GNAS: variants seen among roughly 807,000 people sequenced by gnomAD.
GNAS encodes protein ALEX.
GNAS carries 8 observed loss-of-function variants against 54.5 expected under a neutral mutation model. The observed-to-expected ratio is 0.15, with a 90% confidence interval of 0.09 to 0.26. GNAS has a LOEUF of 0.26. Among genes scored for constraint, GNAS ranks in the 10% least tolerant of loss-of-function variants. The pLI, the probability that GNAS is intolerant of heterozygous loss-of-function variation, is 1.00. For missense variants in GNAS, 170 were observed against 529.8 expected (o/e 0.32, Z 6.67); for synonymous variants, 204 against 191.4 (o/e 1.07, Z -0.54).
chr20:58,884,584 G>A (rs748514049), intron 1 of GNAS: 1 of 152,172 alleles, frequency 6.6e-6, no homozygotes, highest in Non-Finnish European at 1.5e-5. Context: ...ACTGGTCCAT[G>A]TCTATTTTTA....
In GNAS at chr20:58,895,312, CTT is replaced by C. The variant is rs2089941305; in HGVS notation, c.140-298_140-297del. 11 of 423,612 alleles carry C rather than the reference CTT, an allele frequency of 2.6e-5. 1 individual carries two copies. Among genetic ancestry groups the C allele is most frequent in the South Asian group, 2.4e-4 (11 of 45,862 alleles). The allele number at this position is 423,612 out of a possible 1,614,324, so 26.2% of individuals were successfully genotyped here. A position where few individuals can be genotyped will look rare whatever the true frequency, so the allele number is the denominator to read the frequency against. The stretch of plus-strand genomic sequence containing the variant: ...ATGACAAAATTGCGTCATTCCTTCT[CTT>C]TGCCCCTTTCCAACACCACCCCACA... On this transcript the variant is annotated intron_variant, in intron 1 of 12. Coordinates refer to ENST00000371085, the MANE Select transcript of GNAS (RefSeq NM_000516.7).
chr20:58,902,396 T>C (rs762118762), intron 3 of GNAS, among the ~76,000 whole-genome samples: 1 of 152,186 alleles, frequency 6.6e-6, no homozygotes, highest in Non-Finnish European at 1.5e-5. Context: ...ATCAGTGTAA[T>C]GTGGTACAAA....
rs373908908 is a variant in GNAS at position 58,841,124 on chromosome 20, C to G, written c.43+238C>G. ...ACGGCGGGGCGCACGCCGTGCGTCC[C>G]GCTGGAGACAACCTGAGGTCTCCGA... On this transcript the variant is annotated intron_variant, in intron 1 of 12. Coordinates refer to the GNAS transcript ENST00000306090. This position sits in a 1 kb window ranked among gnomAD's most constrained non-coding sequence, Gnocchi z 5.0. 2.6e-4 allele frequency among the ~76,000 whole-genome samples: 39 copies of G among 152,202 alleles called. No individual in the cohort carries two copies. The highest frequency in any genetic ancestry group is 9.4e-4 in the African/African-American group (39 of 41,550).
At chr20:58,901,594 C>T (rs1358627253) in intron 3 of GNAS, among the ~76,000 whole-genome samples, 3 of 148,562 alleles carry the variant, frequency 2.0e-5, no homozygotes, top group Non-Finnish European at 4.5e-5. Context: ...CACTAATGAG[C>T]GTGGCCCCTC....
chr20:58,854,631 G>A (rs1376478543), intron 1 of GNAS: 7 of 1,534,996 alleles, frequency 4.6e-6, no homozygotes, highest in Admixed American at 2.0e-5. Context: ...TCCCGACTCC[G>A]GGGCGGCCCC....
upstream of GNAS, chr20:58,891,219 T>G (rs1369823840): frequency 6.8e-6 from 1 of 146,762 alleles, no homozygotes; most frequent in African/African-American, 2.5e-5. Context: ...GCCGCCTCCC[T>G]CCGCCGGCTC....
In GNAS at chr20:58,853,248, A is replaced by G. The variant is rs1330223605; in HGVS notation, c.43+12362A>G. ...CTTACGGAGCCCCAAACTTATTTTG[A>G]GAGGCCGCCACCGTGTTATGGGCGT... On this transcript the variant is annotated intron_variant, in intron 1 of 12. Coordinates refer to the GNAS transcript ENST00000306090. The surrounding 1 kb of genome is among the most constrained non-coding windows in gnomAD (Gnocchi z 4.4). The G allele has an allele frequency of 6.6e-7, 1 of 1,522,616 alleles. No individual in the cohort carries two copies. The highest frequency in any genetic ancestry group is 2.1e-5 in the Admixed American group (1 of 47,478). The allele number at this position is 1,522,616 out of a possible 1,614,324, so 94.3% of individuals were successfully genotyped here.
At position 58,873,022 on chromosome 20, in the gene GNAS, G is replaced by A. The variant is rs981631550; in HGVS notation, c.44-22590G>A. ...CTGCCTCTCAGTTCATTCTCAAGGC[G>A]TTAGCCTCATCCCATCAGGAGGAGT... On this transcript the variant is annotated intron_variant, in intron 1 of 12. Transcript: ENST00000306090. This position sits in a 1 kb window ranked among gnomAD's most constrained non-coding sequence, Gnocchi z 4.3. Among the ~76,000 whole-genome samples the A allele has an allele frequency of 3.0e-4, 45 of 152,188 alleles. No homozygotes were observed. The highest frequency in any genetic ancestry group is 1.4e-4 in the African/African-American group (6 of 41,444).
At chr20:58,895,422 T>C (rs1964409381) in intron 1 of GNAS, 190 bp from the exon 2 acceptor site, 1 of 623,276 alleles carries the variant, frequency 1.6e-6, no homozygotes, top group Non-Finnish European at 2.9e-6. Flanking sequence ...ATACTGCAGG[T>C]AGACACTGAA....
intron 5 of GNAS, 83 bp downstream of exon 5, chr20:58,903,874 C>A: frequency 6.9e-7 from 1 of 1,450,728 alleles, no homozygotes; most frequent in Non-Finnish European, 9.7e-7. Flanking sequence ...GACAGCCCTG[C>A]ACATGGGCAG....
chr20:58,899,615 TA>T, intron 3 of GNAS: 1 of 585,516 alleles, frequency 1.7e-6, no homozygotes, highest in East Asian at 3.3e-5. Flanking sequence ...ATTATCAAAT[TA>T]TTTTTTCTTT....
At chr20:58,854,835 C>T (rs777891316) in intron 1 of GNAS, 5 of 1,595,608 alleles carry the variant, frequency 3.1e-6, no homozygotes, top group South Asian at 2.2e-5. Flanking sequence ...CGGGGCCAGA[C>T]GCAAGATCCA....
chr20:58,866,343 C>T (rs1370365779), intron 1 of GNAS, among the ~76,000 whole-genome samples: 1 of 152,188 alleles, frequency 6.6e-6, no homozygotes, highest in Non-Finnish European at 1.5e-5. Context: ...AGCATAAGAT[C>T]TCTCAGGAAT....
chr20:58,898,822 G>T (rs574979284), intron 2 of GNAS, 119 bp from the exon 3 acceptor site: 4 of 900,636 alleles, frequency 4.4e-6, no homozygotes, highest in Middle Eastern at 3.1e-4. Flanking sequence ...GATGGCTGGC[G>T]CGCGAATTGT....
intron 1 of GNAS, among the ~76,000 whole-genome samples, chr20:58,869,032 T>G (rs2087257663): frequency 6.6e-6 from 1 of 152,196 alleles, no homozygotes; most frequent in African/African-American, 2.4e-5. Context: ...TGAGGAATGT[T>G]TTTAAAAGGT....
rs79564532 is a variant in GNAS at position 58,900,569 on chromosome 20, C to T, written c.257+1584C>T. On this transcript the variant is annotated intron_variant, in intron 3 of 12. Transcript: ENST00000371085. Reference sequence around the variant, plus strand: ...CTCTTAAAAACTGAACGCATCCCATCTGCTGTATACATAGAAGGGGGAGGA... The same window carrying T: ...CTCTTAAAAACTGAACGCATCCCATTTGCTGTATACATAGAAGGGGGAGGA... Among the ~76,000 whole-genome samples, 733 of 152,234 alleles carry T rather than the reference C, an allele frequency of 4.8e-3. 9 individuals carry two copies. Among genetic ancestry groups the T allele is most frequent in the African/African-American group, 0.017 (700 of 41,514 alleles).
At chr20:58,897,245 C>T (rs991740328) in intron 2 of GNAS, among the ~76,000 whole-genome samples, 7 of 152,180 alleles carry the variant, frequency 4.6e-5, no homozygotes, top group African/African-American at 1.4e-4. Flanking sequence ...ACACACCCCT[C>T]GATAAAGCCC....
At chr20:58,897,797 C>G (rs939412477) in intron 2 of GNAS, 1 of 152,204 alleles carries the variant, frequency 6.6e-6, no homozygotes, top group African/African-American at 2.4e-5. Context: ...TTATTTTTAT[C>G]TCATCCAACT....
rs372108212 is a variant in GNAS, at chr20:58,909,125, G to A, written c.531-37G>A. 2.7e-5 allele frequency: 43 copies of A among 1,579,994 alleles called. No homozygotes were observed. The highest frequency in any genetic ancestry group is 1.7e-4 in the Middle Eastern group (1 of 5,978). On this transcript the variant is annotated intron_variant, in intron 6 of 12. Coordinates refer to ENST00000371085, the MANE Select transcript of GNAS (RefSeq NM_000516.7). The surrounding 1 kb of genome is among the most constrained non-coding windows in gnomAD (Gnocchi z 7.3). ...AAATAGTTGGCAAATTGATGTGAGC[G>A]CTGTGAACACCCCACGTGTCTTTCT... is the stretch of plus-strand genomic sequence containing the variant.
Sources: gnomAD v4.1 joint callset for allele counts (sites outside exome capture counted in the v4.1 genomes callset) on GRCh38, gnomAD v4.1.1 for gene constraint, Gnocchi (gnomAD v3.1) non-coding constraint, MANE v1.5 for transcripts, NCBI Gene and HGNC (gene_info 2026-07-23, HGNC 2026-07-21) for gene names.